The following ABCG8 variants were observed in gnomAD, a reference collection of about 807,000 sequenced individuals.
ABCG8 encodes the protein ATP binding cassette subfamily G member 8, also known as ATP-binding cassette sub-family G member 8.
A neutral mutation model predicts 71.3 loss-of-function variants in ABCG8; 81 were observed. The observed-to-expected ratio is 1.14, with a 90% CI of 0.95 to 1.37. The LOEUF (loss-of-function observed/expected upper bound fraction) is 1.37, where lower values mean the gene tolerates loss of function less well. Among genes scored for constraint, ABCG8 ranks in the 40% most tolerant of loss-of-function variants. The pLI, the probability that ABCG8 is intolerant of heterozygous loss-of-function variation, is 0.00. For missense variants in ABCG8, 1,119 were observed against 866.2 expected, an observed-to-expected ratio of 1.29 and a Z score of -3.66; for synonymous variants, 451 against 354.7, an observed-to-expected ratio of 1.27 and a Z score of -3.05.
chr2:43,875,236 C>A lies in ABCG8; in HGVS notation c.1579C>A (p.Pro527Thr), dbSNP rs1000613547. The A allele has an allele frequency of 6.2e-7, 1 of 1,614,266 alleles. No individual in the cohort carries two copies. The highest frequency in any genetic ancestry group is 8.5e-7 in the Non-Finnish European group (1 of 1,180,054). Residue 527 changes from proline (P) to threonine (T), a missense_variant, in exon 11 of 13, where the codon CCC becomes ACC. Transcript: ENST00000272286. The stretch of plus-strand genomic sequence containing the variant: ...GGCCAACCTGAGGCCAGGCCTCCAG[C>A]CCTTCCTGCTGCACTTCCTGCTGGT... ...WLANLRPGLQ[P>T]FLLHFLLVWL...
At chr2:43,864,211 G>C (rs1425012419) in intron 6 of ABCG8, among the ~76,000 whole-genome samples, 1 of 146,970 alleles carries the variant, frequency 6.8e-6, no homozygotes, top group Admixed American at 6.8e-5. Context: ...GAATTCCCAC[G>C]ATCTGGATAG....
chr2:43,878,398 C>T lies in ABCG8; in HGVS notation c.*485C>T. ...TAAGATGTACCAGCAAGATGCCATC[C>T]CTTCTTTTTGTGTGGGGTCATGGGC... On this transcript the variant is annotated 3_prime_UTR_variant, in exon 13 of 13. Transcript: ENST00000272286. 8.6e-6 allele frequency: 2 copies of T among 233,348 alleles called. No homozygotes were observed. Among genetic ancestry groups the T allele is most frequent in the South Asian group, 6.7e-5 (1 of 14,948 alleles). 14.5% of individuals were successfully genotyped at this position (233,348 alleles called of 1,614,324 possible).
chr2:43,842,150 T>C (rs983912038), intron 1 of ABCG8, among the ~76,000 whole-genome samples: 16 of 152,160 alleles, frequency 1.1e-4, no homozygotes, highest in Middle Eastern at 3.4e-3. Flanking sequence ...GCTGGGACTA[T>C]AGGGGTGTGC....
At chr2:43,872,533 G>A (rs1669818802) in intron 8 of ABCG8, among the ~76,000 whole-genome samples, 1 of 152,082 alleles carries the variant, frequency 6.6e-6, no homozygotes, top group Non-Finnish European at 1.5e-5. Flanking sequence ...ACCAGCCTGG[G>A]CAACAAGGTG....
chr2:43,851,821 G>C lies in ABCG8; in HGVS notation c.560G>C (p.Arg187Thr), dbSNP rs1181328618. The C allele has an allele frequency of 6.2e-7, 1 of 1,614,002 alleles. No homozygotes were observed. Among genetic ancestry groups the C allele is most frequent in the African/African-American group, 1.3e-5 (1 of 74,934 alleles). ...RTFSQAQRDKRVEDVIAELRL... is the reference protein window; with the variant it reads ...RTFSQAQRDKTVEDVIAELRL... Reference sequence around the variant, plus strand: ...TTCTCCCAGGCCCAGCGTGACAAAAGGGTAACTAACTGGCCCCAGTGGTGA... The same window carrying C: ...TTCTCCCAGGCCCAGCGTGACAAAACGGTAACTAACTGGCCCCAGTGGTGA... Residue 187 changes from arginine to threonine, a missense_variant and splice_region_variant, in exon 4 of 13, where the codon AGG (arginine) becomes ACG (threonine). Arg to Thr is a moderately conservative substitution (Grantham distance 71). Coordinates refer to ENST00000272286, the MANE Select transcript of ABCG8 (RefSeq NM_022437.3).
chr2:43,873,601 A>G lies in ABCG8; in HGVS notation c.1212-186A>G, dbSNP rs200680838. ...TAAAAGTAACAATCATTTATTGAGT[A>G]CCTACTGTGGGACAGATGCTGTCAT... On this transcript the variant is annotated intron_variant, in intron 8 of 12. Coordinates refer to ENST00000272286, the MANE Select transcript of ABCG8 (RefSeq NM_022437.3). Among the ~76,000 whole-genome samples, 6 of 152,282 alleles carry G rather than the reference A, an allele frequency of 3.9e-5. No individual in the cohort carries two copies. In the East Asian group the frequency reaches 1.2e-3, roughly 29 times the overall value.
chr2:43,852,875 C>G lies in ABCG8; in HGVS notation c.964+7C>G, dbSNP rs1668977469. 11 of 1,613,818 alleles carry G rather than the reference C, an allele frequency of 6.8e-6. No individual in the cohort carries two copies. In the East Asian group the frequency reaches 2.5e-4, roughly 36 times the overall value. On this transcript the variant is annotated splice_region_variant and intron_variant, in intron 6 of 12. Coordinates refer to ENST00000272286, the MANE Select transcript of ABCG8 (RefSeq NM_022437.3). Reference sequence around the variant, plus strand: ...AATCCTGCTGACTTCTATGGTGAGTCCCCAAGGCCAGCAGCCAGGGCCCTG... The same window carrying G: ...AATCCTGCTGACTTCTATGGTGAGTGCCCAAGGCCAGCAGCCAGGGCCCTG...
chr2:43,855,745 G>C (rs1482995863), intron 6 of ABCG8, among the ~76,000 whole-genome samples: 1 of 151,930 alleles, frequency 6.6e-6, no homozygotes, highest in Non-Finnish European at 1.5e-5. Flanking sequence ...TCTCTGGATA[G>C]AACTCTCACC....
In ABCG8 at chr2:43,881,303, C is replaced by T. The variant is rs962558272; in HGVS notation, c.*3390C>T. On this transcript the variant is annotated 3_prime_UTR_variant, in exon 13 of 13. Coordinates refer to ENST00000272286, the MANE Select transcript of ABCG8 (RefSeq NM_022437.3). ...AGCGGTGGTTCTCCACCCTGGTTGC[C>T]CATGCTGGAGCTTTAACAAAAGCCA... 2.0e-5 allele frequency: 3 copies of T among 152,198 alleles called. No homozygotes were observed. Among genetic ancestry groups the T allele is most frequent in the African/African-American group, 7.2e-5 (3 of 41,426 alleles). 9.4% of individuals were successfully genotyped at this position (152,198 alleles called of 1,614,324 possible).
At chr2:43,856,015 T>C (rs1377433031) in intron 6 of ABCG8, among the ~76,000 whole-genome samples, 1 of 152,166 alleles carries the variant, frequency 6.6e-6, no homozygotes, top group African/African-American at 2.4e-5. Flanking sequence ...TCTCACTATC[T>C]GAATAGAATT....
intron 6 of ABCG8, among the ~76,000 whole-genome samples, chr2:43,861,255 A>T (rs1291291329): frequency 6.6e-6 from 1 of 151,010 alleles, no homozygotes; most frequent in African/African-American, 2.4e-5. Context: ...TCTTGATAGA[A>T]CTCTTACTAC....
At chr2:43,871,876 G>C (rs188014093) in intron 6 of ABCG8, 100 bp from the exon 7 acceptor site, 13 of 1,536,932 alleles carry the variant, frequency 8.5e-6, no homozygotes, top group Non-Finnish European at 1.2e-5. Context: ...AGCCCCACGA[G>C]GGGTGATCAG....
chr2:43,881,942 A>AACGT lies in ABCG8; in HGVS notation c.*4032_*4035dup, dbSNP rs1382820287. The AACGT allele has an allele frequency of 1.4e-4, 21 of 152,200 alleles. No homozygotes were observed. Among genetic ancestry groups the AACGT allele is most frequent in the Non-Finnish European group, 3.1e-4 (21 of 68,034 alleles). The allele number at this position is 152,200 out of a possible 1,614,324, so 9.4% of individuals were successfully genotyped here. On this transcript the variant is annotated 3_prime_UTR_variant, in exon 13 of 13. Coordinates refer to ENST00000272286, the MANE Select transcript of ABCG8 (RefSeq NM_022437.3). ...TGTGAGAGCAGCTGTAGACTATAGT[A>AACGT]ACGTACAGCCGGTGTGGCTGTCTTC...
intron 1 of ABCG8, among the ~76,000 whole-genome samples, chr2:43,844,171 T>A (rs756574796): frequency 6.6e-6 from 1 of 151,922 alleles, no homozygotes; most frequent in Non-Finnish European, 1.5e-5. Flanking sequence ...AGCACAGAGG[T>A]TTTTTTATAG....
intron 6 of ABCG8, among the ~76,000 whole-genome samples, chr2:43,860,609 C>T (rs982712529): frequency 2.7e-5 from 4 of 149,478 alleles, no homozygotes; most frequent in African/African-American, 9.8e-5. Context: ...CTGTCTATCT[C>T]GATAAAACTC....
In ABCG8 at chr2:43,875,227, G is replaced by C. The variant is rs747332972; in HGVS notation, c.1570G>C (p.Gly524Arg). Residue 524 changes from glycine to arginine, a missense_variant, in exon 11 of 13, where the codon GGC (glycine) becomes CGC (arginine). Transcript: ENST00000272286. ...CTACTGGCTGGCCAACCTGAGGCCA[G>C]GCCTCCAGCCCTTCCTGCTGCACTT... ...PTYWLANLRP[G>R]LQPFLLHFLL... The C allele has an allele frequency of 2.5e-6, 4 of 1,614,102 alleles. No individual in the cohort carries two copies. Among genetic ancestry groups the C allele is most frequent in the Non-Finnish European group, 3.4e-6 (4 of 1,180,052 alleles).
At position 43,845,098 on chromosome 2, in the gene ABCG8, G is replaced by GTATA. The variant is rs5830773; in HGVS notation, c.165+509_165+512dup. Among the ~76,000 whole-genome samples, 554 of 130,132 alleles carry GTATA rather than the reference G, an allele frequency of 4.3e-3. 1 individual carries two copies. The highest frequency in any genetic ancestry group is 0.013 in the African/African-American group (472 of 36,202). 85.4% of individuals were successfully genotyped at this position (130,132 alleles called of 152,430 possible). ...TATATATATGTGTGTGTGTGTGTGTGTATATATATATATATATATATAATT... is the reference window on the plus strand; with the variant it reads ...TATATATATGTGTGTGTGTGTGTGTGTATATATATATATATATATATATATAATT... On this transcript the variant is annotated intron_variant, in intron 2 of 12. Transcript: ENST00000272286.
At chr2:43,874,135 T>A in intron 9 of ABCG8, 149 bp downstream of exon 9, 2 of 952,204 alleles carry the variant, frequency 2.1e-6, no homozygotes, top group Admixed American at 3.9e-5. Context: ...AATATTAGCA[T>A]ACAAATGAAA....
At chr2:43,841,019 G>A (rs1668567504) in intron 1 of ABCG8, among the ~76,000 whole-genome samples, 1 of 152,232 alleles carries the variant, frequency 6.6e-6, no homozygotes, top group African/African-American at 2.4e-5. Context: ...AACTCCTCAT[G>A]CCATGGGCAG....
Sources: allele counts gnomAD v4.1 joint callset (sites outside exome capture counted in the v4.1 genomes callset), GRCh38; gene constraint gnomAD v4.1.1; transcripts MANE v1.5; gene names NCBI Gene and HGNC (gene_info 2026-07-23, HGNC 2026-07-21).